The following GALNTL6 variants were observed in gnomAD, a reference collection of about 807,000 sequenced individuals.
The protein encoded by GALNTL6 is polypeptide N-acetylgalactosaminyltransferase-like 6.
A neutral mutation model predicts 73.7 loss-of-function variants in GALNTL6; 46 were observed. The observed-to-expected ratio is 0.62, with a 90% CI of 0.49 to 0.80. GALNTL6 has a LOEUF of 0.80. Ranked by LOEUF, GALNTL6 falls within the 30% of genes least tolerant of loss-of-function variation. The probability of loss-of-function intolerance (pLI) is 0.00; values close to 1 mark genes in which losing one functional copy is unlikely to be tolerated. For synonymous variants in GALNTL6, 259 were observed against 263.7 expected (o/e 0.98, Z 0.17); for missense variants, 604 against 755.0 (o/e 0.80, Z 2.34).
At chr4:171,844,348 G>C (rs1444026024) in intron 2 of GALNTL6, among the ~76,000 whole-genome samples, 5 of 151,760 alleles carry the variant, frequency 3.3e-5, no homozygotes, top group African/African-American at 1.2e-4. Flanking sequence ...TTTTTTTCTA[G>C]ATAAGTGAGA....
intron 7 of GALNTL6, among the ~76,000 whole-genome samples, chr4:172,866,788 C>T (rs1470632784): frequency 6.6e-6 from 1 of 152,176 alleles, no homozygotes; most frequent in African/African-American, 2.4e-5. Context: ...CCTTCAGGGC[C>T]CTAACAAGCA....
intron 5 of GALNTL6, among the ~76,000 whole-genome samples, chr4:172,770,229 G>T (rs1319216426): frequency 6.6e-6 from 1 of 151,652 alleles, no homozygotes; most frequent in Non-Finnish European, 1.5e-5. Context: ...TGGCACCATT[G>T]CACTCCAGCC....
At chr4:171,892,719 C>T (rs986447785) in intron 2 of GALNTL6, among the ~76,000 whole-genome samples, 1 of 151,984 alleles carries the variant, frequency 6.6e-6, no homozygotes, top group African/African-American at 2.4e-5. Context: ...TGACACAACA[C>T]CTGGATAATT....
At chr4:172,222,634 G>A (rs930975815) in intron 2 of GALNTL6, among the ~76,000 whole-genome samples, 1 of 151,704 alleles carries the variant, frequency 6.6e-6, no homozygotes, top group African/African-American at 2.4e-5. Flanking sequence ...CTCTCTCTAC[G>A]AGCCTGTGTT....
At chr4:172,621,819 C>T (rs941735906) in intron 5 of GALNTL6, among the ~76,000 whole-genome samples, 2 of 151,968 alleles carry the variant, frequency 1.3e-5, no homozygotes, top group East Asian at 1.9e-4. Context: ...AATACTCTGC[C>T]GATATTATAT....
chr4:172,232,869 C>T (rs1325228649), intron 3 of GALNTL6, among the ~76,000 whole-genome samples: 1 of 152,062 alleles, frequency 6.6e-6, no homozygotes, highest in Admixed American at 6.6e-5. Flanking sequence ...GAATTATTTG[C>T]TCCACACAGT....
chr4:172,461,436 C>G lies in GALNTL6; in HGVS notation c.553+112747C>G, dbSNP rs113804037. On this transcript the variant is annotated intron_variant, in intron 5 of 12. Transcript: ENST00000506823. ...AAAATAAAATGCAAAATGTGCAGCT[C>G]AGGCAGGTGAAATGTCTGGTTGGAC... Among the ~76,000 whole-genome samples the G allele has an allele frequency of 5.9e-3, 891 of 152,196 alleles. 10 individuals carry two copies. The highest frequency in any genetic ancestry group is 0.02 in the African/African-American group (849 of 41,528).
At chr4:172,568,623 T>G (rs1373639241) in intron 5 of GALNTL6, among the ~76,000 whole-genome samples, 1 of 150,602 alleles carries the variant, frequency 6.6e-6, no homozygotes, top group Non-Finnish European at 1.5e-5. Flanking sequence ...CCGGGCGTGA[T>G]GGTGGGCGCC....
At chr4:172,654,669 C>T (rs1230926703) in intron 5 of GALNTL6, among the ~76,000 whole-genome samples, 2 of 152,172 alleles carry the variant, frequency 1.3e-5, no homozygotes, top group Non-Finnish European at 2.9e-5. Context: ...ACTGCTGTCT[C>T]ACTCTGCTGA....
At chr4:171,971,307 AGT>A (rs1274730737) in intron 2 of GALNTL6, among the ~76,000 whole-genome samples, 1 of 152,182 alleles carries the variant, frequency 6.6e-6, no homozygotes, top group Non-Finnish European at 1.5e-5. Context: ...CTTTGAGGTA[AGT>A]GTTCAGTGTT....
intron 5 of GALNTL6, among the ~76,000 whole-genome samples, chr4:172,731,801 T>A (rs2111391013): frequency 6.6e-6 from 1 of 152,280 alleles, no homozygotes; most frequent in East Asian, 1.9e-4. Context: ...GACCCATTGG[T>A]CATTCAAAAA....
intron 5 of GALNTL6, among the ~76,000 whole-genome samples, chr4:172,747,201 C>T (rs185514097): frequency 1.0e-3 from 154 of 151,954 alleles, no homozygotes; most frequent in Middle Eastern, 6.8e-3. Context: ...TTCTACAAAG[C>T]AAAGGAAACA....
At chr4:172,657,153 A>G (rs1259163542) in intron 5 of GALNTL6, among the ~76,000 whole-genome samples, 6 of 152,200 alleles carry the variant, frequency 3.9e-5, no homozygotes. Flanking sequence ...GCTAGTACTA[A>G]TAATAGTCTT....
chr4:172,201,685 A>G (rs1316759292), intron 2 of GALNTL6, among the ~76,000 whole-genome samples: 1 of 152,136 alleles, frequency 6.6e-6, no homozygotes, highest in African/African-American at 2.4e-5. Context: ...AAGATAGAAT[A>G]TTTGTTGTGG....
intron 2 of GALNTL6, among the ~76,000 whole-genome samples, chr4:172,221,098 G>C (rs1282358131): frequency 6.6e-6 from 1 of 151,668 alleles, no homozygotes; most frequent in Non-Finnish European, 1.5e-5. Context: ...AAGCACCTGG[G>C]TAACATACAA....
At chr4:172,020,101 A>G (rs545764454) in intron 2 of GALNTL6, among the ~76,000 whole-genome samples, 2 of 152,228 alleles carry the variant, frequency 1.3e-5, no homozygotes, top group Admixed American at 6.6e-5. Context: ...TAAAATTGAA[A>G]AGTTTCTTGA....
At chr4:171,816,800 A>G (rs1734537393) in intron 2 of GALNTL6, among the ~76,000 whole-genome samples, 1 of 152,010 alleles carries the variant, frequency 6.6e-6, no homozygotes, top group Non-Finnish European at 1.5e-5. Context: ...TATTTATTAT[A>G]ATTAGAAGGA....
At chr4:172,888,880 C>G (rs1477108361) in intron 8 of GALNTL6, among the ~76,000 whole-genome samples, 1 of 152,122 alleles carries the variant, frequency 6.6e-6, no homozygotes, top group Non-Finnish European at 1.5e-5. Flanking sequence ...ATCTGTTCTT[C>G]CAATCCATGA....
At chr4:173,022,316 G>A (rs1030491212) in intron 12 of GALNTL6, among the ~76,000 whole-genome samples, 2 of 152,222 alleles carry the variant, frequency 1.3e-5, no homozygotes, top group African/African-American at 2.4e-5. Context: ...AATCGTGTGT[G>A]TAGAAAGGGG....
Sources: gnomAD v4.1 joint callset for allele counts (sites outside exome capture counted in the v4.1 genomes callset) on GRCh38, gnomAD v4.1.1 for gene constraint, MANE v1.5 for transcripts, NCBI Gene and HGNC (gene_info 2026-07-23, HGNC 2026-07-21) for gene names.